The following GJA8 variants were observed in gnomAD, a reference collection of about 807,000 sequenced individuals.
GJA8 encodes the protein gap junction protein alpha 8, also known as gap junction alpha-8 protein.
Under a neutral mutation model 15.3 loss-of-function variants are expected in GJA8, and 13 were observed. The observed-to-expected ratio is 0.85, with a 90% confidence interval of 0.55 to 1.35. GJA8 has a LOEUF of 1.35. GJA8 is among the 40% of genes most tolerant of loss of function. The probability of loss-of-function intolerance (pLI) is 0.00; values close to 1 mark genes in which losing one functional copy is unlikely to be tolerated. For missense variants in GJA8, 607 were observed against 553.3 expected (o/e 1.10, Z -0.97); for synonymous variants, 304 against 238.7 (o/e 1.27, Z -2.52).
At chr1:147,906,921 GT>G (rs1651821756) in intron 1 of GJA8, among the ~76,000 whole-genome samples, 1 of 151,506 alleles carries the variant, frequency 6.6e-6, no homozygotes, top group South Asian at 2.1e-4. Context: ...GTCTTTCTCT[GT>G]TGCCCAGGAT....
chr1:147,907,631 T>G (rs1409766326), intron 1 of GJA8, among the ~76,000 whole-genome samples: 6 of 152,178 alleles, frequency 3.9e-5, no homozygotes, highest in African/African-American at 1.4e-4. Context: ...AATCCTTATT[T>G]TTGGTGGACT....
At chr1:147,912,738 T>C (rs1652217664), downstream of GJA8, among the ~76,000 whole-genome samples, 1 of 152,136 alleles carries the variant, frequency 6.6e-6, no homozygotes, top group South Asian at 2.1e-4. Flanking sequence ...ACATCAGTAG[T>C]ACAGCTCCCT....
Position 147,908,122 on chromosome 1 carries a change from C to T in GJA8, c.167C>T (p.Thr56Ile). Residue 56 changes from threonine to isoleucine, a missense_variant, in exon 2 of 2, where the codon ACC (threonine) becomes ATC (isoleucine). By Grantham distance (89) the Thr-to-Ile change is moderately conservative. Transcript: ENST00000369235. The stretch of plus-strand genomic sequence containing the variant: ...GAGCAATCCGACTTCGTGTGCAACA[C>T]CCAGCAGCCTGGCTGCGAGAACGTC... ...GDEQSDFVCN[T>I]QQPGCENVCY... 1.2e-6 allele frequency: 2 copies of T among 1,614,234 alleles called. No individual in the cohort carries two copies. The highest frequency in any genetic ancestry group is 1.7e-6 in the Non-Finnish European group (2 of 1,180,036).
chr1:147,903,251 A>C (rs1449016338), intron 1 of GJA8, among the ~76,000 whole-genome samples: 1 of 152,210 alleles, frequency 6.6e-6, no homozygotes, highest in African/African-American at 2.4e-5. Context: ...AATAGTCATA[A>C]TTACTGAATG....
rs782626546 is a variant in GJA8, at chr1:147,909,153, A to C, written c.1198A>C (p.Lys400Gln). The C allele has an allele frequency of 9.3e-6, 15 of 1,613,904 alleles. No homozygotes were observed. The highest frequency in any genetic ancestry group is 1.3e-5 in the Non-Finnish European group (15 of 1,179,944). ...KVSKQGLPAE[K>Q]TPSLCPELTT... ...GTCAAAGCAAGGGCTGCCAGCTGAG[A>C]AGACACCTTCACTCTGTCCAGAGCT... Residue 400 changes from lysine to glutamine, a missense_variant, in exon 2 of 2, where the codon AAG becomes CAG. Coordinates refer to ENST00000369235, the MANE Select transcript of GJA8 (RefSeq NM_005267.5).
rs1553242938 is a variant in GJA8 at position 147,908,960 on chromosome 1, G to T, written c.1005G>T (p.Gly335=). 1.9e-6 allele frequency: 3 copies of T among 1,603,422 alleles called. No homozygotes were observed. Among genetic ancestry groups the T allele is most frequent in the Admixed American group, 3.4e-5 (2 of 58,620 alleles). Residue 335 remains glycine, a synonymous_variant, in exon 2 of 2, where the codon GGG becomes GGT. Transcript: ENST00000369235. Reference sequence around the variant, plus strand: ...GGGCACAAGAAGTGGAGGGCGAGGGGCCGCCTGCAGAGGAGGGAGCCGAAC... The same window carrying T: ...GGGCACAAGAAGTGGAGGGCGAGGGTCCGCCTGCAGAGGAGGGAGCCGAAC... ...QVGAQEVEGE[G]PPAEEGAEPE...
At chr1:147,903,236 G>T (rs1194992556) in intron 1 of GJA8, among the ~76,000 whole-genome samples, 1 of 152,188 alleles carries the variant, frequency 6.6e-6, no homozygotes, top group Non-Finnish European at 1.5e-5. Context: ...TTCTACAATA[G>T]AAATAATAGT....
At chr1:147,903,843 T>A (rs2149013135) in intron 1 of GJA8, among the ~76,000 whole-genome samples, 1 of 152,328 alleles carries the variant, frequency 6.6e-6, no homozygotes, top group South Asian at 2.1e-4. Context: ...TATTCTGAAG[T>A]TATGTCCTCT....
At chr1:147,907,234 C>G (rs1394651821) in intron 1 of GJA8, among the ~76,000 whole-genome samples, 4 of 152,114 alleles carry the variant, frequency 2.6e-5, no homozygotes, top group Non-Finnish European at 4.4e-5. Context: ...AAATACTTAT[C>G]AAGTTCTCAC....
At chr1:147,903,593 C>T (rs142965139) in intron 1 of GJA8, among the ~76,000 whole-genome samples, 137 of 152,248 alleles carry the variant, frequency 9.0e-4, no homozygotes, top group African/African-American at 3.2e-3. Context: ...CTAGCTCTGC[C>T]CTCACTAGCT....
intron 1 of GJA8, among the ~76,000 whole-genome samples, chr1:147,904,656 G>A (rs1196372909): frequency 6.6e-6 from 1 of 152,164 alleles, no homozygotes; most frequent in Non-Finnish European, 1.5e-5. Flanking sequence ...CCCACAGAAC[G>A]CTTTGCTTCT....
chr1:147,911,095 A>C (rs1652101018), downstream of GJA8, among the ~76,000 whole-genome samples: 2 of 152,296 alleles, frequency 1.3e-5, no homozygotes, highest in South Asian at 4.1e-4. Flanking sequence ...TGCAGTGCCA[A>C]AGATAGGGTA....
At position 147,908,840 on chromosome 1, in the gene GJA8, G is replaced by A. The variant is rs1210431766; in HGVS notation, c.885G>A (p.Lys295=). 1.9e-6 allele frequency: 3 copies of A among 1,614,086 alleles called. No homozygotes were observed. The highest frequency in any genetic ancestry group is 2.7e-5 in the African/African-American group (2 of 74,926). ...GMVETSPLPA[K]PFNQFEEKIS... is the part of the protein sequence containing the mutation. ...TGGAGACCAGCCCACTGCCTGCCAA[G>A]CCTTTCAATCAGTTCGAGGAGAAGA... The change falls in exon 2 of 2, where the codon AAG becomes AAA. Residue 295 remains lysine (K), a synonymous_variant. Transcript: ENST00000369235.
downstream of GJA8, among the ~76,000 whole-genome samples, chr1:147,911,056 C>T (rs1236245753): frequency 2.0e-5 from 3 of 152,162 alleles, no homozygotes; most frequent in Admixed American, 1.3e-4. Flanking sequence ...TAAGATGGTT[C>T]ACCTAAAGCA....
chr1:147,908,522 C>T lies in GJA8; in HGVS notation c.567C>T (p.Pro189=). ...ACCGCTGCAGCCGGTGGCCCTGCCC[C>T]AATGTGGTGGACTGCTTCGTGTCCC... ...PLYRCSRWPC[P]NVVDCFVSRP... is the part of the protein sequence containing the mutation. Residue 189 remains proline (P), a synonymous_variant, in exon 2 of 2, where the codon CCC becomes CCT. Transcript: ENST00000369235. 2 of 1,614,142 alleles carry T rather than the reference C, an allele frequency of 1.2e-6. No homozygotes were observed. The highest frequency in any genetic ancestry group is 1.1e-5 in the South Asian group (1 of 91,070).
At chr1:147,911,461 A>G (rs1454588031), downstream of GJA8, among the ~76,000 whole-genome samples, 4 of 152,208 alleles carry the variant, frequency 2.6e-5, no homozygotes, top group East Asian at 7.7e-4. Context: ...AAAGAGAAAG[A>G]CTAAAATATA....
chr1:147,909,042 A>T lies in GJA8; in HGVS notation c.1087A>T (p.Lys363Ter). 1.3e-6 allele frequency: 2 copies of T among 1,599,464 alleles called. No individual in the cohort carries two copies. Among genetic ancestry groups the T allele is most frequent in the Non-Finnish European group, 1.7e-6 (2 of 1,172,728 alleles). Reference sequence around the variant, plus strand: ...GAGGCTGACCACGGAGGAGCAGGAGAAGGTGGCCGTGCCAGAGGGGGAGAA... The same window carrying T: ...GAGGCTGACCACGGAGGAGCAGGAGTAGGTGGCCGTGCCAGAGGGGGAGAA... ...AERLTTEEQE[K>*]VAVPEGEKVE... is the part of the protein sequence containing the mutation. Residue 363 changes from lysine to a stop codon, truncating the protein, a stop_gained, in exon 2 of 2, where the codon AAG (lysine) becomes TAG (stop). Coordinates refer to ENST00000369235, the MANE Select transcript of GJA8 (RefSeq NM_005267.5). LOFTEE classifies it low-confidence loss of function (END_TRUNC).
Position 147,909,137 on chromosome 1 carries a change from A to AG in GJA8, c.1185dup (p.Leu396AlafsTer4). The AG allele has an allele frequency of 1.2e-6, 2 of 1,614,086 alleles. No individual in the cohort carries two copies. Among genetic ancestry groups the AG allele is most frequent in the Non-Finnish European group, 1.7e-6 (2 of 1,179,982 alleles). ...CGCAGTCGGAGAAGGTGTCAAAGCA[A>AG]GGGCTGCCAGCTGAGAAGACACCTT... On this transcript the variant is annotated frameshift_variant, in exon 2 of 2. Transcript: ENST00000369235. LOFTEE classifies it high-confidence loss of function.
Position 147,908,480 on chromosome 1 carries a change from C to A in GJA8, c.525C>A (p.Phe175Leu), listed in dbSNP as rs1553242727. 1 of 1,614,206 alleles carries A rather than the reference C, an allele frequency of 6.2e-7. No homozygotes were observed. Among genetic ancestry groups the A allele is most frequent in the Non-Finnish European group, 8.5e-7 (1 of 1,180,042 alleles). The stretch of plus-strand genomic sequence containing the variant: ...TGGGCCACTACTTCCTGTACGGGTT[C>A]CGGATCCTGCCTCTGTACCGCTGCA... ...FIVGHYFLYG[F>L]RILPLYRCSR... The change falls in exon 2 of 2, where the codon TTC becomes TTA. Residue 175 changes from phenylalanine to leucine, a missense_variant. Phe to Leu is a conservative substitution (Grantham distance 22). Transcript: ENST00000369235.
Sources: allele counts gnomAD v4.1 joint callset (sites outside exome capture counted in the v4.1 genomes callset), GRCh38; gene constraint gnomAD v4.1.1; transcripts MANE v1.5; gene names NCBI Gene and HGNC (gene_info 2026-07-23, HGNC 2026-07-21).